Variants in FAT3 observed in about 807,000 individuals in gnomAD.
The protein encoded by FAT3 is protocadherin Fat 3.
In FAT3, 95 loss-of-function variants were observed where a neutral mutation model predicts 310.2. The observed-to-expected ratio is 0.31, with a 90% CI of 0.26 to 0.36. FAT3 has a LOEUF of 0.36. Ranked by LOEUF, FAT3 falls within the 10% of genes least tolerant of loss-of-function variation. The pLI, the probability that FAT3 is intolerant of heterozygous loss-of-function variation, is 1.00. For synonymous variants in FAT3, 2,314 were observed against 2,192.9 expected (o/e 1.06, Z -1.54); for missense variants, 5,408 against 5,715.6 (o/e 0.95, Z 1.74).
chr11:92,741,277 G>T (rs1379484965), intron 4 of FAT3, among the ~76,000 whole-genome samples: 2 of 152,126 alleles, frequency 1.3e-5, no homozygotes, highest in African/African-American at 2.4e-5. Flanking sequence ...CTGGGTTCAG[G>T]CAATCCTCCC....
chr11:92,723,446 A>G (rs1944918672), intron 4 of FAT3, among the ~76,000 whole-genome samples: 1 of 152,206 alleles, frequency 6.6e-6, no homozygotes, highest in Admixed American at 6.5e-5. Flanking sequence ...AGGAAGTTCC[A>G]AACTTTCCCA....
chr11:92,262,653 A>C (rs1865604800), intron 1 of FAT3, among the ~76,000 whole-genome samples: 1 of 152,194 alleles, frequency 6.6e-6, no homozygotes, highest in Non-Finnish European at 1.5e-5. Context: ...ATTTACAGAA[A>C]GAAAATGGAA....
At chr11:92,663,486 A>C (rs527484070) in intron 3 of FAT3, among the ~76,000 whole-genome samples, 39 of 152,148 alleles carry the variant, frequency 2.6e-4, no homozygotes, top group Non-Finnish European at 4.7e-4. Flanking sequence ...TTGAGACTTA[A>C]ATAGCAACTG....
At chr11:92,778,481 G>A (rs1946650444) in intron 7 of FAT3, among the ~76,000 whole-genome samples, 1 of 152,098 alleles carries the variant, frequency 6.6e-6, no homozygotes, top group Non-Finnish European at 1.5e-5. Context: ...TTCAAATCCT[G>A]CTGTCTCTAA....
At chr11:92,875,665 C>A (rs1010631514) in intron 22 of FAT3, among the ~76,000 whole-genome samples, 2 of 152,188 alleles carry the variant, frequency 1.3e-5, no homozygotes, top group Non-Finnish European at 2.9e-5. Flanking sequence ...CGTGGTTTAA[C>A]AACTGACCTG....
intron 3 of FAT3, among the ~76,000 whole-genome samples, chr11:92,562,348 C>T (rs749306364): frequency 3.3e-5 from 5 of 152,132 alleles, no homozygotes; most frequent in South Asian, 2.1e-4. Flanking sequence ...CTGTTTCTCA[C>T]GTATTTTCCC....
chr11:92,244,781 G>A (rs1166022322), intron 1 of FAT3, among the ~76,000 whole-genome samples: 1 of 152,020 alleles, frequency 6.6e-6, no homozygotes, highest in Non-Finnish European at 1.5e-5. Flanking sequence ...CTAATGACCA[G>A]TGATGATGAG....
chr11:92,234,058 C>T (rs1864307766), intron 1 of FAT3, among the ~76,000 whole-genome samples: 1 of 152,136 alleles, frequency 6.6e-6, no homozygotes, highest in South Asian at 2.1e-4. Flanking sequence ...GTGAATAAAC[C>T]TAGATTGTTC....
chr11:92,464,487 C>T (rs1951712157), intron 2 of FAT3, among the ~76,000 whole-genome samples: 1 of 152,188 alleles, frequency 6.6e-6, no homozygotes, highest in South Asian at 2.1e-4. Flanking sequence ...ACATTCTGCT[C>T]CCATTAGCAG....
chr11:92,284,918 C>T (rs537388692), intron 1 of FAT3, among the ~76,000 whole-genome samples: 7 of 152,098 alleles, frequency 4.6e-5, no homozygotes, highest in African/African-American at 7.2e-5. Context: ...GATACTATTA[C>T]CTCAGGGACA....
rs1174256382 is a variant in FAT3, at chr11:92,798,799, A to G, written c.5786A>G (p.His1929Arg). Residue 1929 changes from histidine to arginine, a missense_variant, in exon 10 of 28, where the codon CAT (histidine) becomes CGT (arginine). Coordinates refer to ENST00000525166, the MANE Select transcript of FAT3 (RefSeq NM_001367949.2). Reference protein sequence around the residue: ...TYSLMEGSLDHFLIDSNSGVL... With the variant: ...TYSLMEGSLDRFLIDSNSGVL... Reference sequence around the variant, plus strand: ...AGCCTAATGGAAGGCAGTTTGGATCATTTTTTAATTGACTCAAACAGTGGA... The same window carrying G: ...AGCCTAATGGAAGGCAGTTTGGATCGTTTTTTAATTGACTCAAACAGTGGA... The G allele has an allele frequency of 6.2e-7, 1 of 1,613,684 alleles. No homozygotes were observed. The highest frequency in any genetic ancestry group is 1.3e-5 in the African/African-American group (1 of 74,902).
chr11:92,651,904 T>C (rs976307638), intron 3 of FAT3, among the ~76,000 whole-genome samples: 1 of 152,220 alleles, frequency 6.6e-6, no homozygotes, highest in African/African-American at 2.4e-5. Flanking sequence ...ATCTAGGGGA[T>C]GCTTTTCCTT....
intron 2 of FAT3, among the ~76,000 whole-genome samples, chr11:92,519,513 A>G (rs907826235): frequency 6.6e-6 from 1 of 152,098 alleles, no homozygotes; most frequent in African/African-American, 2.4e-5. Context: ...TGACCTATAA[A>G]AGAAAAATTG....
chr11:92,396,461 G>A (rs576365713), intron 2 of FAT3, among the ~76,000 whole-genome samples: 124 of 152,252 alleles, frequency 8.1e-4, no homozygotes, highest in Middle Eastern at 3.4e-3. Context: ...GGAAGATCCC[G>A]TCTACATGTA....
chr11:92,229,207 C>T (rs1396788529), intron 1 of FAT3, among the ~76,000 whole-genome samples: 1 of 152,124 alleles, frequency 6.6e-6, no homozygotes, highest in East Asian at 1.9e-4. Context: ...AAATTTTCTG[C>T]AATGCTTTTT....
rs544242726 is a variant in FAT3 at position 92,762,237 on chromosome 11, A to G, written c.3984+67A>G. 1.7e-5 allele frequency: 25 copies of G among 1,447,870 alleles called. No homozygotes were observed. In the South Asian group the frequency reaches 3.2e-4, roughly 19 times the overall value. 89.7% of individuals were successfully genotyped at this position (1,447,870 alleles called of 1,614,324 possible). The stretch of plus-strand genomic sequence containing the variant: ...AGTGGTTATGTTCTTATTCAAGTAT[A>G]CTCCTTTGAGCAATAAATCTTTAGA... On this transcript the variant is annotated intron_variant, in intron 5 of 27. Coordinates refer to ENST00000525166, the MANE Select transcript of FAT3 (RefSeq NM_001367949.2).
intron 3 of FAT3, among the ~76,000 whole-genome samples, chr11:92,644,877 T>C (rs540957589): frequency 6.6e-6 from 1 of 152,328 alleles, no homozygotes; most frequent in South Asian, 2.1e-4. Context: ...TCTTCTCTTT[T>C]GCTGTGCAAA....
intron 3 of FAT3, among the ~76,000 whole-genome samples, chr11:92,621,298 A>AGGAGAATTAT (rs1312644756): frequency 6.6e-6 from 1 of 152,228 alleles, no homozygotes; most frequent in Non-Finnish European, 1.5e-5. Context: ...TTGAAGGAGT[A>AGGAGAATTAT]GGAGAATTAT....
At chr11:92,318,451 G>A (rs761271875) in intron 1 of FAT3, among the ~76,000 whole-genome samples, 12 of 152,156 alleles carry the variant, frequency 7.9e-5, no homozygotes, top group Non-Finnish European at 1.5e-4. Context: ...GTAATAGGGA[G>A]AGTTCTAATT....
Sources: allele counts gnomAD v4.1 joint callset (sites outside exome capture counted in the v4.1 genomes callset), GRCh38; gene constraint gnomAD v4.1.1; transcripts MANE v1.5; gene names NCBI Gene and HGNC (gene_info 2026-07-23, HGNC 2026-07-21).